ZFP91: variants seen among roughly 807,000 people sequenced by gnomAD.
ZFP91 encodes ZFP91 zinc finger protein, atypical E3 ubiquitin ligase.
In ZFP91, 7 loss-of-function variants were observed where a neutral mutation model predicts 63.5. The ratio of observed to expected loss-of-function variants is 0.11; its 90% confidence interval spans 0.06 to 0.21. ZFP91 has a LOEUF of 0.21. ZFP91 is among the 10% of genes least tolerant of loss of function. The pLI is 1.00. For missense variants in ZFP91, 628 were observed against 736.6 expected, an observed-to-expected ratio of 0.85 and a Z score of 1.71; for synonymous variants, 330 against 272.1, an observed-to-expected ratio of 1.21 and a Z score of -2.10.
chr11:58,601,765 C>G (rs148602729), intron 2 of ZFP91, among the ~76,000 whole-genome samples: 26 of 152,114 alleles, frequency 1.7e-4, no homozygotes, highest in African/African-American at 6.0e-4. Context: ...ATTCTTTGAT[C>G]CATTGGTTTA....
rs185275028 is a variant in ZFP91 at position 58,591,531 on chromosome 11, C to A, written c.370+6647C>A. On this transcript the variant is annotated intron_variant, in intron 2 of 10. Coordinates refer to ENST00000316059, the MANE Select transcript of ZFP91 (RefSeq NM_053023.5). ...CATTGTATGAATTGCACACCTATCACAATACAGTTTTAGAACTTTTTCTTC... is the reference window on the plus strand; with the variant it reads ...CATTGTATGAATTGCACACCTATCAAAATACAGTTTTAGAACTTTTTCTTC... 9.2e-5 allele frequency among the ~76,000 whole-genome samples: 14 copies of A among 152,246 alleles called. No homozygotes were observed. In the East Asian group the frequency reaches 2.7e-3, roughly 29 times the overall value.
chr11:58,579,665 T>A, intron 1 of ZFP91, 43 bp downstream of exon 1: 2 of 1,488,502 alleles, frequency 1.3e-6, no homozygotes, highest in Non-Finnish European at 1.8e-6. Context: ...CCCCCCTCTG[T>A]CCGTACGCAA....
intron 2 of ZFP91, among the ~76,000 whole-genome samples, chr11:58,605,084 T>A (rs1337509731): frequency 6.6e-6 from 1 of 152,222 alleles, no homozygotes; most frequent in Non-Finnish European, 1.5e-5. Flanking sequence ...CTCTTTTCAT[T>A]TTCTGTATAT....
At chr11:58,616,228 A>G (rs1336445377) in intron 9 of ZFP91, among the ~76,000 whole-genome samples, 1 of 152,144 alleles carries the variant, frequency 6.6e-6, no homozygotes, top group African/African-American at 2.4e-5. Context: ...AACCTGAAAC[A>G]GGGTATGATT....
intron 2 of ZFP91, among the ~76,000 whole-genome samples, chr11:58,602,074 C>T (rs1430036852): frequency 6.6e-6 from 1 of 152,114 alleles, no homozygotes; most frequent in Admixed American, 6.5e-5. Flanking sequence ...AGACACACGC[C>T]ACCATGCCCG....
chr11:58,611,684 TGGA>T lies in ZFP91; in HGVS notation c.806_808del (p.Glu269del), dbSNP rs1445792680. On this transcript the variant is annotated inframe_deletion, in exon 6 of 11. Transcript: ENST00000316059. ...AAGGAAATTAAAGTGGAAGTAGAGGTGGAGGTGAAAGAAGAGGAGAATGAAATT... is the reference window on the plus strand; with the variant it reads ...AAGGAAATTAAAGTGGAAGTAGAGGTGGTGAAAGAAGAGGAGAATGAAATT... 1 of 1,610,370 alleles carries T rather than the reference TGGA, an allele frequency of 6.2e-7. No homozygotes were observed. Among genetic ancestry groups the T allele is most frequent in the South Asian group, 1.1e-5 (1 of 90,706 alleles).
chr11:58,590,729 A>G (rs1397874832), intron 2 of ZFP91, among the ~76,000 whole-genome samples: 1 of 152,082 alleles, frequency 6.6e-6, no homozygotes, highest in South Asian at 2.1e-4. Context: ...TGAGTATTTC[A>G]TATTTTTTGA....
intron 1 of ZFP91, 55 bp from the exon 2 acceptor site, chr11:58,584,801 A>T: frequency 6.9e-7 from 1 of 1,454,618 alleles, no homozygotes. Context: ...AGATATTTAT[A>T]TTTTCAGAAA....
rs199771377 is a variant in ZFP91 at position 58,609,979 on chromosome 11, A to G, written c.520A>G (p.Lys174Glu). 3.0e-4 allele frequency: 480 copies of G among 1,614,214 alleles called. 6 individuals carry two copies. In the South Asian group the frequency reaches 5.0e-3, roughly 17 times the overall value. The part of the protein sequence containing the change: ...DTENTRSSRS[K>E]TGSLQLICKS... The stretch of plus-strand genomic sequence containing the variant: ...AGAGAACACCCGAAGCTCTCGGTCC[A>G]AGACCGGTTCATTGCAGCTCATTTG... Residue 174 changes from lysine (K) to glutamate (E), a missense_variant, in exon 3 of 11, where the codon AAG becomes GAG. This residue lies in a region of ZFP91 where 437 missense variants were observed against 380.3 expected (regional missense o/e 1.15). Coordinates refer to ENST00000316059, the MANE Select transcript of ZFP91 (RefSeq NM_053023.5).
intron 2 of ZFP91, among the ~76,000 whole-genome samples, chr11:58,606,424 T>C (rs1031459893): frequency 1.3e-5 from 2 of 152,308 alleles, no homozygotes; most frequent in Admixed American, 6.5e-5. Flanking sequence ...TGTCGAGACA[T>C]ATTTCTTCTG....
At chr11:58,587,551 C>A (rs1855232282) in intron 2 of ZFP91, among the ~76,000 whole-genome samples, 1 of 152,152 alleles carries the variant, frequency 6.6e-6, no homozygotes, top group Non-Finnish European at 1.5e-5. Flanking sequence ...AGAGGATTAT[C>A]TTCATGATTG....
At chr11:58,598,118 G>A (rs1855433307) in intron 2 of ZFP91, among the ~76,000 whole-genome samples, 1 of 152,012 alleles carries the variant, frequency 6.6e-6, no homozygotes, top group Non-Finnish European at 1.5e-5. Context: ...TATTATGTAC[G>A]GAGTTAATTT....
At chr11:58,614,426 A>C in intron 9 of ZFP91, 83 bp downstream of exon 9, 1 of 1,024,346 alleles carries the variant, frequency 9.8e-7, no homozygotes, top group South Asian at 1.9e-5. Flanking sequence ...TTTTTCTAAC[A>C]TAAGTCTTAA....
Position 58,579,416 on chromosome 11 carries a change from T to C in ZFP91, c.135T>C (p.Thr45=), listed in dbSNP as rs1258707791. The change falls in exon 1 of 11, where the codon ACT becomes ACC. Residue 45 remains threonine, a synonymous_variant. Transcript: ENST00000316059. ...TCGCGGCGGCGCCTGCAGGGACCAC[T>C]AGCAGCCGCGTGCTGAGGGGAGGTC... is the stretch of plus-strand genomic sequence containing the variant. ...EAVAAAPAGT[T]SSRVLRGGRD... is the part of the protein sequence containing the mutation. The C allele has an allele frequency of 4.1e-6, 6 of 1,451,380 alleles. No homozygotes were observed. Among genetic ancestry groups the C allele is most frequent in the South Asian group, 1.4e-5 (1 of 72,694 alleles). The allele number at this position is 1,451,380 out of a possible 1,614,324, so 89.9% of individuals were successfully genotyped here.
At chr11:58,579,682 C>A (rs1012363697) in intron 1 of ZFP91, 60 bp downstream of exon 1, 2 of 1,429,780 alleles carry the variant, frequency 1.4e-6, no homozygotes, top group South Asian at 1.4e-5. Flanking sequence ...GCAACCCTCT[C>A]GGCTCCCGTA....
At chr11:58,611,803 G>A (rs1855669665) in intron 6 of ZFP91, 65 bp downstream of exon 6, 22 of 1,528,122 alleles carry the variant, frequency 1.4e-5, no homozygotes, top group Non-Finnish European at 1.8e-5. Context: ...AAAAAAGAGT[G>A]GGAGTGTGAG....
chr11:58,613,526 T>C (rs900442936), intron 8 of ZFP91, among the ~76,000 whole-genome samples: 7 of 152,132 alleles, frequency 4.6e-5, no homozygotes, highest in African/African-American at 1.7e-4. Flanking sequence ...TAGAGAACTT[T>C]CGTTGGAATC....
chr11:58,621,033 CT>C lies in ZFP91; in HGVS notation c.*3329del, dbSNP rs1855842022. The C allele has an allele frequency of 1.3e-5, 2 of 152,620 alleles. No homozygotes were observed. Among genetic ancestry groups the C allele is most frequent in the African/African-American group, 4.8e-5 (2 of 41,442 alleles). The allele number at this position is 152,620 out of a possible 1,614,324, so 9.5% of individuals were successfully genotyped here. ...TGTAAAGAAGAAAAATAAAAGTTGT[CT>C]TCATGGAAGCAACTTGTCTTCCTTG... On this transcript the variant is annotated 3_prime_UTR_variant, in exon 11 of 11. Transcript: ENST00000316059.
chr11:58,615,952 T>C (rs1855742692), intron 9 of ZFP91, among the ~76,000 whole-genome samples: 7 of 152,244 alleles, frequency 4.6e-5, no homozygotes, highest in Admixed American at 4.6e-4. Context: ...AGCATCTCTT[T>C]GTGCACGGGC....
Sources: gnomAD v4.1 joint callset for allele counts (sites outside exome capture counted in the v4.1 genomes callset) on GRCh38, gnomAD v4.1.1 for gene constraint, gnomAD v4.1.1 regional missense constraint, MANE v1.5 for transcripts, NCBI Gene and HGNC (gene_info 2026-07-23, HGNC 2026-07-21) for gene names.